RSPRY1: variants seen among roughly 807,000 people sequenced by gnomAD.
RSPRY1 encodes the protein ring finger and SPRY domain containing 1.
In RSPRY1, 23 loss-of-function variants were observed where a neutral mutation model predicts 73.1. That is an observed-to-expected ratio of 0.31 (90% CI 0.23 to 0.45). RSPRY1 has a LOEUF of 0.45. Ranked by LOEUF, RSPRY1 falls within the 20% of genes least tolerant of loss-of-function variation. The pLI is 1.00. For missense variants in RSPRY1, 448 were observed against 698.7 expected, an observed-to-expected ratio of 0.64 and a Z score of 4.05; for synonymous variants, 226 against 251.4, an observed-to-expected ratio of 0.90 and a Z score of 0.95.
At chr16:57,230,291 C>T (rs1391585747) in intron 11 of RSPRY1, among the ~76,000 whole-genome samples, 6 of 152,256 alleles carry the variant, frequency 3.9e-5, no homozygotes, top group East Asian at 1.9e-4. Context: ...GGATTACAGG[C>T]GTGAGCCACC....
At chr16:57,218,796 C>T (rs1176596162) in intron 8 of RSPRY1, among the ~76,000 whole-genome samples, 3 of 89,792 alleles carry the variant, frequency 3.3e-5, no homozygotes, top group African/African-American at 1.4e-4. Flanking sequence ...AGTGCAGTGG[C>T]GGGATCTCGG....
At chr16:57,199,518 GTATA>G (rs1347709719) in intron 1 of RSPRY1, among the ~76,000 whole-genome samples, 5 of 152,202 alleles carry the variant, frequency 3.3e-5, no homozygotes, top group African/African-American at 1.2e-4. Flanking sequence ...TAGTTTGAAA[GTATA>G]TAATAATAGA....
chr16:57,221,203 C>T lies in RSPRY1; in HGVS notation c.1018-69C>T, dbSNP rs541267632. On this transcript the variant is annotated intron_variant, in intron 9 of 14. Transcript: ENST00000394420. Reference sequence around the variant, plus strand: ...TAAGGAAAAATACACTCAACCTTCCCAGTAGTCAGTTATCTTTGGTGGTCT... The same window carrying T: ...TAAGGAAAAATACACTCAACCTTCCTAGTAGTCAGTTATCTTTGGTGGTCT... The T allele has an allele frequency of 1.7e-5, 27 of 1,563,426 alleles. No homozygotes were observed. In the African/African-American group the frequency reaches 2.8e-4, roughly 17 times the overall value.
rs747198781 is a variant in RSPRY1 at position 57,204,654 on chromosome 16, C to T, written c.-5C>T. The T allele has an allele frequency of 2.5e-5, 41 of 1,612,350 alleles. No individual in the cohort carries two copies. The East Asian group carries it at 7.8e-4, about 31-fold the overall frequency. On this transcript the variant is annotated 5_prime_UTR_variant, in exon 2 of 15. Coordinates refer to ENST00000394420, the MANE Select transcript of RSPRY1 (RefSeq NM_133368.3). ...ACAGTACTTGGAAAACTGAAAACTA[C>T]CTAAATGATCGTCTTTGGTTGGGCC...
intron 11 of RSPRY1, 73 bp downstream of exon 11, chr16:57,227,526 T>A: frequency 1.9e-6 from 2 of 1,049,522 alleles, no homozygotes; most frequent in Non-Finnish European, 3.0e-6. Context: ...TTTATTACAT[T>A]AAGCCTTAAA....
intron 1 of RSPRY1, among the ~76,000 whole-genome samples, chr16:57,203,693 T>C (rs1407376023): frequency 6.6e-6 from 1 of 152,234 alleles, no homozygotes; most frequent in Non-Finnish European, 1.5e-5. Flanking sequence ...GGGCAGGAAC[T>C]ATTCCTTACT....
At chr16:57,186,159 C>T, upstream of RSPRY1, 3 of 985,666 alleles carry the variant, frequency 3.0e-6, no homozygotes, top group Non-Finnish European at 3.6e-6. Flanking sequence ...GCCATTCACG[C>T]CTCAGGATGA....
At chr16:57,189,729 C>G (rs1052134140) in intron 1 of RSPRY1, among the ~76,000 whole-genome samples, 1 of 151,452 alleles carries the variant, frequency 6.6e-6, no homozygotes, top group Non-Finnish European at 1.5e-5. Flanking sequence ...GTAACTGGGA[C>G]TACAGGTGCG....
intron 8 of RSPRY1, 142 bp downstream of exon 8, chr16:57,217,177 A>T (rs2074955803): frequency 1.2e-6 from 1 of 851,960 alleles, no homozygotes; most frequent in Middle Eastern, 2.3e-4. Flanking sequence ...ATATTCTAGC[A>T]GAAAAGTATC....
chr16:57,215,184 T>G (rs1244472468), intron 6 of RSPRY1, among the ~76,000 whole-genome samples: 6 of 152,142 alleles, frequency 3.9e-5, no homozygotes, highest in African/African-American at 1.2e-4. Context: ...AATTGGTTTC[T>G]TAGCTAAGGG....
Position 57,221,410 on chromosome 16 carries a change from A to T in RSPRY1, c.1156A>T (p.Asn386Tyr). ...GWATRDSKFL[N>Y]HEGYGIGDDE... ...GGCCACTCGAGACAGCAAATTCCTC[A>T]ATCATGTGAGTACCCTAGAGAACTG... The change falls in exon 10 of 15, where the codon AAT becomes TAT. Residue 386 changes from asparagine to tyrosine, a missense_variant. Physicochemically the swap from Asn to Tyr is moderately radical, Grantham distance 143 (BLOSUM62 -2). Coordinates refer to ENST00000394420, the MANE Select transcript of RSPRY1 (RefSeq NM_133368.3). 6.2e-7 allele frequency: 1 copy of T among 1,613,628 alleles called. No individual in the cohort carries two copies. Among genetic ancestry groups the T allele is most frequent in the Non-Finnish European group, 8.5e-7 (1 of 1,179,796 alleles).
At chr16:57,235,795 T>C (rs1485936144) in intron 14 of RSPRY1, among the ~76,000 whole-genome samples, 2 of 152,250 alleles carry the variant, frequency 1.3e-5, no homozygotes, top group Non-Finnish European at 2.9e-5. Flanking sequence ...CAGCTACCTG[T>C]AATTCATCAT....
At chr16:57,205,846 T>C (rs1864568060) in intron 2 of RSPRY1, among the ~76,000 whole-genome samples, 1 of 152,226 alleles carries the variant, frequency 6.6e-6, no homozygotes, top group African/African-American at 2.4e-5. Flanking sequence ...ACATAAGGCA[T>C]TCAGTGTGGA....
chr16:57,216,252 G>T (rs544036137), intron 7 of RSPRY1, 79 bp downstream of exon 7: 2 of 1,060,324 alleles, frequency 1.9e-6, no homozygotes, highest in Non-Finnish European at 1.5e-6. Context: ...TACTGGATAA[G>T]CCTACACTTT....
At chr16:57,197,719 T>C (rs1194843898) in intron 1 of RSPRY1, among the ~76,000 whole-genome samples, 1 of 152,088 alleles carries the variant, frequency 6.6e-6, no homozygotes, top group African/African-American at 2.4e-5. Flanking sequence ...TTTTTTGTTT[T>C]TGTTTTTGTT....
chr16:57,215,273 G>A (rs1251498855), intron 6 of RSPRY1, among the ~76,000 whole-genome samples: 7 of 152,234 alleles, frequency 4.6e-5, no homozygotes, highest in African/African-American at 1.7e-4. Flanking sequence ...CACAGACTGA[G>A]TAGCCAGCTA....
chr16:57,239,020 C>A lies in RSPRY1; in HGVS notation c.*45C>A. 1 of 1,068,504 alleles carries A rather than the reference C, an allele frequency of 9.4e-7. No homozygotes were observed. Among genetic ancestry groups the A allele is most frequent in the Non-Finnish European group, 1.4e-6 (1 of 715,822 alleles). 66.2% of individuals were successfully genotyped at this position (1,068,504 alleles called of 1,614,324 possible). On this transcript the variant is annotated 3_prime_UTR_variant, in exon 15 of 15. Coordinates refer to ENST00000394420, the MANE Select transcript of RSPRY1 (RefSeq NM_133368.3). ...TGGACTTTTTTCTACTCAATTCCAG[C>A]CAATGTTGAAAAGAAAAAGAAAAAA...
chr16:57,197,808 C>T (rs559939077), intron 1 of RSPRY1, among the ~76,000 whole-genome samples: 2 of 152,160 alleles, frequency 1.3e-5, no homozygotes, highest in Non-Finnish European at 2.9e-5. Flanking sequence ...ACTGCAGCCT[C>T]GACCTCCCAG....
chr16:57,217,156 G>T, intron 8 of RSPRY1, 121 bp downstream of exon 8: 1 of 1,057,786 alleles, frequency 9.5e-7, no homozygotes, highest in East Asian at 2.4e-5. Flanking sequence ...ACCTCTACTG[G>T]CAGGTTGGAT....
Sources: allele counts gnomAD v4.1 joint callset (sites outside exome capture counted in the v4.1 genomes callset), GRCh38; gene constraint gnomAD v4.1.1; transcripts MANE v1.5; gene names NCBI Gene and HGNC (gene_info 2026-07-23, HGNC 2026-07-21).